Variants in IL22RA1 observed in about 807,000 individuals in gnomAD.
IL22RA1 encodes the protein interleukin-22 receptor subunit alpha-1.
A neutral mutation model predicts 32.8 loss-of-function variants in IL22RA1; 25 were observed. The observed-to-expected ratio is 0.76, with a 90% confidence interval of 0.55 to 1.06. The LOEUF is 1.06. IL22RA1 is among the 50% of genes least tolerant of loss of function. The probability of loss-of-function intolerance (pLI) is 0.00; values close to 1 mark genes in which losing one functional copy is unlikely to be tolerated. For synonymous variants in IL22RA1, 305 were observed against 305.0 expected (o/e 1.00, Z 0.00); for missense variants, 709 against 727.4 (o/e 0.97, Z 0.29).
At chr1:24,122,984 C>T (rs112277875) in intron 6 of IL22RA1, among the ~76,000 whole-genome samples, 11 of 152,284 alleles carry the variant, frequency 7.2e-5, no homozygotes, top group Non-Finnish European at 1.0e-4. Flanking sequence ...GCTCTCCTGG[C>T]GCCCACCATT....
In IL22RA1 at chr1:24,121,343, G is replaced by C. The variant is rs748759941; in HGVS notation, c.1187C>G (p.Pro396Arg). 1.9e-6 allele frequency: 3 copies of C among 1,600,492 alleles called. No homozygotes were observed. The highest frequency in any genetic ancestry group is 2.6e-6 in the Non-Finnish European group (3 of 1,171,530). The stretch of plus-strand genomic sequence containing the variant: ...CCCATAGGAGGGAGGCCAGCTGTCC[G>C]GAGTGGCTTGAGGGGCATAGGAGGA... ...QPSSYAPQAT[P>R]DSWPPSYGVC... Residue 396 changes from proline (P) to arginine (R), a missense_variant, in exon 7 of 7, where the codon CCG becomes CGG. Coordinates refer to ENST00000270800, the MANE Select transcript of IL22RA1 (RefSeq NM_021258.4).
chr1:24,137,023 C>A, intron 3 of IL22RA1, 108 bp downstream of exon 3: 6 of 1,046,560 alleles, frequency 5.7e-6, no homozygotes, highest in Non-Finnish European at 8.1e-6. Context: ...TTGCAGAGAG[C>A]CCCTTCTGGA....
At position 24,120,917 on chromosome 1, in the gene IL22RA1, C is replaced by T; in HGVS notation, c.1613G>A (p.Cys538Tyr). ...SPWGLLESLV[C>Y]PKDEAKSPAP... The stretch of plus-strand genomic sequence containing the variant: ...TGGGCTCTTGGCTTCATCCTTGGGA[C>T]ACACAAGGGACTCCAGCAGGCCCCA... The change falls in exon 7 of 7, where the codon TGT (cysteine) becomes TAT (tyrosine). Residue 538 changes from cysteine (C) to tyrosine (Y), a missense_variant. Cys to Tyr is a radical substitution (Grantham distance 194). Transcript: ENST00000270800. 6.2e-7 allele frequency: 1 copy of T among 1,614,154 alleles called. No individual in the cohort carries two copies. Among genetic ancestry groups the T allele is most frequent in the Non-Finnish European group, 8.5e-7 (1 of 1,180,014 alleles).
At position 24,121,186 on chromosome 1, in the gene IL22RA1, C is replaced by T. The variant is rs1471968058; in HGVS notation, c.1344G>A (p.Gln448=). ...GSCMLGGLSL[Q]EVTSLAMEES... Reference sequence around the variant, plus strand: ...CCTCCATAGCCAAGGAGGTCACCTCCTGCAGAGAAAGGCCACCTAACATGC... The same window carrying T: ...CCTCCATAGCCAAGGAGGTCACCTCTTGCAGAGAAAGGCCACCTAACATGC... The change falls in exon 7 of 7, where the codon CAG becomes CAA. Residue 448 remains glutamine, a synonymous_variant. Coordinates refer to ENST00000270800, the MANE Select transcript of IL22RA1 (RefSeq NM_021258.4). 2 of 1,614,100 alleles carry T rather than the reference C, an allele frequency of 1.2e-6. No homozygotes were observed. The highest frequency in any genetic ancestry group is 8.5e-7 in the Non-Finnish European group (1 of 1,180,046).
chr1:24,123,502 G>A, intron 5 of IL22RA1, 79 bp from the exon 6 acceptor site: 1 of 1,559,940 alleles, frequency 6.4e-7, no homozygotes, highest in Non-Finnish European at 8.7e-7. Flanking sequence ...CCCCACATGT[G>A]GATGCTGAAA....
chr1:24,122,120 G>A (rs774617400), intron 6 of IL22RA1, among the ~76,000 whole-genome samples: 13 of 152,152 alleles, frequency 8.5e-5, no homozygotes, highest in Non-Finnish European at 1.5e-5. Flanking sequence ...GGGTCAGGGT[G>A]GGAAAAGAAG....
intron 3 of IL22RA1, 61 bp downstream of exon 3, chr1:24,137,070 C>T (rs1053784222): frequency 9.9e-6 from 15 of 1,522,278 alleles, no homozygotes; most frequent in East Asian, 2.3e-5. Context: ...GGCCATCCCA[C>T]CCCGCAAACA....
chr1:24,143,123 G>T lies in IL22RA1; in HGVS notation c.-41C>A, dbSNP rs745470078. 1.2e-5 allele frequency: 19 copies of T among 1,591,588 alleles called. No homozygotes were observed. The South Asian group carries it at 1.7e-4, about 14-fold the overall frequency. ...GCCCTCCCTTGGCCTCTACTCTGCCGTGCACAGAGAGAGGGCTGGGAGTCT... is the reference window on the plus strand; with the variant it reads ...GCCCTCCCTTGGCCTCTACTCTGCCTTGCACAGAGAGAGGGCTGGGAGTCT... On this transcript the variant is annotated 5_prime_UTR_variant, in exon 1 of 7. Transcript: ENST00000270800.
At position 24,121,537 on chromosome 1, in the gene IL22RA1, G is replaced by A; in HGVS notation, c.993C>T (p.Asp331=). 1 of 1,598,118 alleles carries A rather than the reference G, an allele frequency of 6.3e-7. No homozygotes were observed. The highest frequency in any genetic ancestry group is 2.2e-5 in the East Asian group (1 of 44,514). The part of the protein sequence containing the change: ...LSEITYLGQP[D]ISILQPSNVP... ...CGTTGGAGGGCTGGAGGATGGAGAT[G>A]TCTGGCTGCCCTAAGTAGGTGATCT... Residue 331 remains aspartate, a synonymous_variant, in exon 7 of 7, where the codon GAC becomes GAT. Coordinates refer to ENST00000270800, the MANE Select transcript of IL22RA1 (RefSeq NM_021258.4).
Position 24,134,309 on chromosome 1 carries a change from G to T in IL22RA1, c.433C>A (p.Pro145Thr), listed in dbSNP as rs770399351. ...IQMIVHPTPT[P>T]IRAGDGHRLT... is the part of the protein sequence containing the mutation. ...CGGTGGCCATCGCCTGCACGGATTGGCGTGGGGGTAGGATGAACAATCATC... is the reference window on the plus strand; with the variant it reads ...CGGTGGCCATCGCCTGCACGGATTGTCGTGGGGGTAGGATGAACAATCATC... Residue 145 changes from proline to threonine, a missense_variant, in exon 4 of 7, where the codon CCA (proline) becomes ACA (threonine). Transcript: ENST00000270800. 1.2e-6 allele frequency: 2 copies of T among 1,608,530 alleles called. No individual in the cohort carries two copies. The highest frequency in any genetic ancestry group is 8.5e-7 in the Non-Finnish European group (1 of 1,177,196).
At chr1:24,128,765 C>T (rs545182494) in intron 4 of IL22RA1, among the ~76,000 whole-genome samples, 129 of 152,298 alleles carry the variant, frequency 8.5e-4, no homozygotes, top group South Asian at 1.5e-3. Context: ...TAGCAGTAGC[C>T]TCTTTCATGG....
At position 24,121,735 on chromosome 1, in the gene IL22RA1, G is replaced by T; in HGVS notation, c.795C>A (p.Asn265Lys). 33 of 1,522,406 alleles carry T rather than the reference G, an allele frequency of 2.2e-5. No homozygotes were observed. Among genetic ancestry groups the T allele is most frequent in the Non-Finnish European group, 2.7e-5 (31 of 1,130,400 alleles). 94.3% of individuals were successfully genotyped at this position (1,522,406 alleles called of 1,614,324 possible). A position where few individuals can be genotyped will look rare whatever the true frequency, so the allele number is the denominator to read the frequency against. Residue 265 changes from asparagine (N) to lysine (K), a missense_variant and splice_region_variant, in exon 7 of 7, where the codon AAC becomes AAA. Coordinates refer to ENST00000270800, the MANE Select transcript of IL22RA1 (RefSeq NM_021258.4). ...GCTGGAAAGTCAGGACTCGCTGGAC[G>T]TTCTGTGCAGGGACGACAACAGTCA... ...TKPPAPPNSL[N>K]VQRVLTFQPL... is the part of the protein sequence containing the mutation.
At position 24,120,990 on chromosome 1, in the gene IL22RA1, G is replaced by A; in HGVS notation, c.1540C>T (p.Gln514Ter). Residue 514 changes from glutamine (Q) to a stop codon, truncating the protein, a stop_gained, in exon 7 of 7, where the codon CAA (glutamine) becomes TAA (stop). Coordinates refer to ENST00000270800, the MANE Select transcript of IL22RA1 (RefSeq NM_021258.4). LOFTEE classifies it low-confidence loss of function (END_TRUNC). ...GGGGAACATGGACGGGAAGGAGGTT[G>A]CAAAGGGAGGGACATGGGGTGGCCC... Reference protein sequence around the residue: ...IEGHPMSLPLQPPSRPCSPSD... With the variant: ...IEGHPMSLPL 1.2e-6 allele frequency: 2 copies of A among 1,614,118 alleles called. No individual in the cohort carries two copies. Among genetic ancestry groups the A allele is most frequent in the South Asian group, 1.1e-5 (1 of 91,068 alleles).
rs1644260052 is a variant in IL22RA1, at chr1:24,138,679, GCTGGAGCAGA to G, written c.69_78del (p.Leu24ThrfsTer2). 1 of 1,614,090 alleles carries G rather than the reference GCTGGAGCAGA, an allele frequency of 6.2e-7. No individual in the cohort carries two copies. The highest frequency in any genetic ancestry group is 8.5e-7 in the Non-Finnish European group (1 of 1,180,046). On this transcript the variant is annotated frameshift_variant, in exon 2 of 7. Transcript: ENST00000270800. LOFTEE classifies it high-confidence loss of function. ...AAGTTGCTGGACTGGAATTTCACGT[GCTGGAGCAGA>G]TCCGAGGGGTCCTCAGGGGCGTGAG...
chr1:24,120,475 T>G lies in IL22RA1; in HGVS notation c.*330A>C. The G allele has an allele frequency of 3.8e-6, 1 of 260,702 alleles. No homozygotes were observed. Among genetic ancestry groups the G allele is most frequent in the Non-Finnish European group, 7.3e-6 (1 of 137,522 alleles). 16.1% of individuals were successfully genotyped at this position (260,702 alleles called of 1,614,324 possible). A position where few individuals can be genotyped will look rare whatever the true frequency, so the allele number is the denominator to read the frequency against. On this transcript the variant is annotated 3_prime_UTR_variant, in exon 7 of 7. Coordinates refer to ENST00000270800, the MANE Select transcript of IL22RA1 (RefSeq NM_021258.4). ...TTCCCTGAGCACTTTGAATCCATGG[T>G]GTTAGGAGGTGGGGCTCTGGACCTC...
chr1:24,137,547 C>T (rs112937984), intron 2 of IL22RA1, among the ~76,000 whole-genome samples: 27 of 142,778 alleles, frequency 1.9e-4, no homozygotes, highest in African/African-American at 7.0e-4. Flanking sequence ...GACACAGCCT[C>T]GCTCTGTCAC....
intron 4 of IL22RA1, among the ~76,000 whole-genome samples, chr1:24,133,216 T>G (rs1471725983): frequency 6.6e-6 from 1 of 151,828 alleles, no homozygotes; most frequent in Non-Finnish European, 1.5e-5. Flanking sequence ...TGGAAGCCAG[T>G]ACCAATTTCT....
rs748243481 is a variant in IL22RA1, at chr1:24,121,318, C to T, written c.1212G>A (p.Gly404=). 16 of 1,609,398 alleles carry T rather than the reference C, an allele frequency of 9.9e-6. No homozygotes were observed. Among genetic ancestry groups the T allele is most frequent in the Non-Finnish European group, 1.3e-5 (15 of 1,176,854 alleles). Residue 404 remains glycine, a synonymous_variant, in exon 7 of 7, where the codon GGG becomes GGA. Coordinates refer to ENST00000270800, the MANE Select transcript of IL22RA1 (RefSeq NM_021258.4). ...CTTTGCCAGAACCTTCCATGCATAC[C>T]CCATAGGAGGGAGGCCAGCTGTCCG... ...ATPDSWPPSY[G]VCMEGSGKDS... is the part of the protein sequence containing the mutation.
chr1:24,134,357 T>A lies in IL22RA1; in HGVS notation c.385A>T (p.Ile129Phe). 1 of 1,567,684 alleles carries A rather than the reference T, an allele frequency of 6.4e-7. No homozygotes were observed. Among genetic ancestry groups the A allele is most frequent in the Non-Finnish European group, 8.7e-7 (1 of 1,154,618 alleles). ...TTLKPPDVTC[I>F]SKVRSIQMIV... The stretch of plus-strand genomic sequence containing the variant: ...ATCTGAATCGATCTCACTTTGGAGA[T>A]ACAGGTCACATCAGGTGGCTTGAGG... The change falls in exon 4 of 7, where the codon ATC (isoleucine) becomes TTC (phenylalanine). Residue 129 changes from isoleucine to phenylalanine, a missense_variant. Coordinates refer to ENST00000270800, the MANE Select transcript of IL22RA1 (RefSeq NM_021258.4).
Sources: allele counts gnomAD v4.1 joint callset (sites outside exome capture counted in the v4.1 genomes callset), GRCh38; gene constraint gnomAD v4.1.1; transcripts MANE v1.5; gene names NCBI Gene and HGNC (gene_info 2026-07-23, HGNC 2026-07-21).